The following ANKRD13C variants were observed in gnomAD, a reference collection of about 807,000 sequenced individuals.
The protein encoded by ANKRD13C is ankyrin repeat domain 13C, also known as ankyrin repeat domain-containing protein 13C.
A neutral mutation model predicts 65.5 loss-of-function variants in ANKRD13C; 16 were observed. The observed-to-expected ratio is 0.24, with a 90% confidence interval of 0.17 to 0.37. ANKRD13C has a LOEUF of 0.37. ANKRD13C is among the 10% of genes least tolerant of loss of function. The pLI, the probability that ANKRD13C is intolerant of heterozygous loss-of-function variation, is 1.00. For missense variants in ANKRD13C, 503 were observed against 655.9 expected (o/e 0.77, Z 2.55); for synonymous variants, 235 against 238.7 (o/e 0.98, Z 0.14).
chr1:70,310,854 G>C (rs1680817940), intron 5 of ANKRD13C, among the ~76,000 whole-genome samples: 1 of 152,120 alleles, frequency 6.6e-6, no homozygotes, highest in Non-Finnish European at 1.5e-5. Flanking sequence ...CAGGTTTTAG[G>C]CCAATCTAAC....
chr1:70,300,738 G>A (rs913463843), intron 7 of ANKRD13C, 26 bp downstream of exon 7: 3 of 1,539,692 alleles, frequency 1.9e-6, no homozygotes, highest in Non-Finnish European at 2.6e-6. Flanking sequence ...TGATTTAAAG[G>A]AATATTGATA....
intron 9 of ANKRD13C, among the ~76,000 whole-genome samples, chr1:70,291,529 T>G (rs903258386): frequency 6.6e-6 from 1 of 152,208 alleles, no homozygotes; most frequent in African/African-American, 2.4e-5. Flanking sequence ...TGTCACACAA[T>G]TCTTTGCATA....
chr1:70,337,590 T>TAAATA lies in ANKRD13C; in HGVS notation c.431-1496_431-1492dup, dbSNP rs1553251645. The stretch of plus-strand genomic sequence containing the variant: ...GAGTGAAACTCTGTCTCAAAATAAA[T>TAAATA]AAATAAAATAAAATAAAATAAAGTC... On this transcript the variant is annotated intron_variant, in intron 1 of 12. Transcript: ENST00000370944. Among the ~76,000 whole-genome samples, 15 of 151,222 alleles carry TAAATA rather than the reference T, an allele frequency of 9.9e-5. No individual in the cohort carries two copies. The South Asian group carries it at 1.9e-3, about 19-fold the overall frequency.
intron 9 of ANKRD13C, among the ~76,000 whole-genome samples, chr1:70,288,710 A>G (rs1282351290): frequency 6.6e-6 from 1 of 152,196 alleles, no homozygotes; most frequent in Non-Finnish European, 1.5e-5. Flanking sequence ...GGAAGAACAG[A>G]TTAGTGATTG....
intron 1 of ANKRD13C, among the ~76,000 whole-genome samples, chr1:70,340,160 A>C (rs1682248072): frequency 6.6e-6 from 1 of 152,014 alleles, no homozygotes. Flanking sequence ...TATTAATTTT[A>C]TTCATCTTTT....
In ANKRD13C at chr1:70,305,021, G is replaced by C. The variant is rs115218756; in HGVS notation, c.776+1203C>G. On this transcript the variant is annotated intron_variant, in intron 6 of 12. Coordinates refer to ENST00000370944, the MANE Select transcript of ANKRD13C (RefSeq NM_030816.5). ...CACTGTAATCCCAGCACTTTGCGAG[G>C]CCAAGGTGGAAGAATCACTTGAGCC... Among the ~76,000 whole-genome samples, 402 of 152,038 alleles carry C rather than the reference G, an allele frequency of 2.6e-3. 2 individuals are homozygous for C. The highest frequency in any genetic ancestry group is 9.4e-3 in the African/African-American group (388 of 41,462).
At chr1:70,280,025 G>GA (rs1679319338) in intron 9 of ANKRD13C, among the ~76,000 whole-genome samples, 1 of 152,102 alleles carries the variant, frequency 6.6e-6, no homozygotes, top group Non-Finnish European at 1.5e-5. Context: ...AAAGAAGCCT[G>GA]AAAAAGCCAT....
chr1:70,333,910 T>C (rs896071430), intron 2 of ANKRD13C, among the ~76,000 whole-genome samples: 8 of 152,192 alleles, frequency 5.3e-5, no homozygotes, highest in African/African-American at 1.9e-4. Context: ...CATGTAGCCT[T>C]TTAATGAATA....
chr1:70,340,921 G>C (rs1369696292), intron 1 of ANKRD13C, among the ~76,000 whole-genome samples: 2 of 152,128 alleles, frequency 1.3e-5, no homozygotes, highest in Non-Finnish European at 2.9e-5. Flanking sequence ...GACCAGCCTA[G>C]CCAATATGGT....
In ANKRD13C at chr1:70,354,390, G is replaced by C; in HGVS notation, c.19C>G (p.Arg7Gly). 1.2e-6 allele frequency: 2 copies of C among 1,612,812 alleles called. No individual in the cohort carries two copies. Among genetic ancestry groups the C allele is most frequent in the Non-Finnish European group, 1.7e-6 (2 of 1,179,100 alleles). The change falls in exon 1 of 13, where the codon CGC becomes GGC. Residue 7 changes from arginine (R) to glycine (G), a missense_variant. Physicochemically the swap from Arg to Gly is moderately radical, Grantham distance 125. This residue lies in a region of ANKRD13C where 203 missense variants were observed against 177.6 expected (regional missense o/e 1.14). Transcript: ENST00000370944. ...GGCTTGTGGTCCCTCCGCAGTGAGCGGATCTTCTCCCCGGTCATCGCCGCC... is the reference window on the plus strand; with the variant it reads ...GGCTTGTGGTCCCTCCGCAGTGAGCCGATCTTCTCCCCGGTCATCGCCGCC... Reference protein sequence around the residue: MTGEKIRSLRRDHKPSK... With the variant: MTGEKIGSLRRDHKPSK...
intron 11 of ANKRD13C, among the ~76,000 whole-genome samples, chr1:70,272,826 A>G (rs981728569): frequency 6.6e-6 from 1 of 151,724 alleles, no homozygotes; most frequent in African/African-American, 2.4e-5. Context: ...CATCTCTACT[A>G]AAAATACAGA....
At chr1:70,327,599 A>G (rs1681595049) in intron 2 of ANKRD13C, among the ~76,000 whole-genome samples, 1 of 152,222 alleles carries the variant, frequency 6.6e-6, no homozygotes, top group Non-Finnish European at 1.5e-5. Context: ...AAATCTCAAT[A>G]TGCATTGGGT....
intron 1 of ANKRD13C, among the ~76,000 whole-genome samples, chr1:70,352,227 C>G (rs1682771130): frequency 6.6e-6 from 1 of 150,734 alleles, no homozygotes; most frequent in African/African-American, 2.4e-5. Flanking sequence ...GTACTACCAG[C>G]TACTCAGGAG....
At chr1:70,304,482 A>T (rs1680507085) in intron 6 of ANKRD13C, among the ~76,000 whole-genome samples, 1 of 151,756 alleles carries the variant, frequency 6.6e-6, no homozygotes, top group Non-Finnish European at 1.5e-5. Context: ...CTGCAGCCTC[A>T]ACTTCCTGGG....
At chr1:70,291,039 T>C (rs1679844205) in intron 9 of ANKRD13C, among the ~76,000 whole-genome samples, 2 of 152,076 alleles carry the variant, frequency 1.3e-5, no homozygotes, top group African/African-American at 2.4e-5. Context: ...CTGGGAAATT[T>C]TTTTTTTTTT....
At chr1:70,318,884 T>C (rs1188511189) in intron 3 of ANKRD13C, among the ~76,000 whole-genome samples, 3 of 152,070 alleles carry the variant, frequency 2.0e-5, no homozygotes, top group Non-Finnish European at 4.4e-5. Context: ...GGTTTCACCA[T>C]GTTGGCCAGG....
At chr1:70,276,879 G>A in intron 9 of ANKRD13C, 35 bp from the exon 10 acceptor site, 2 of 1,490,590 alleles carry the variant, frequency 1.3e-6, no homozygotes, top group Non-Finnish European at 9.1e-7. Context: ...AGTGGGGTGG[G>A]GGAGAAAGAA....
chr1:70,321,247 T>A (rs76589388), intron 3 of ANKRD13C, among the ~76,000 whole-genome samples: 168 of 152,226 alleles, frequency 1.1e-3, no homozygotes, highest in Admixed American at 2.0e-3. Context: ...AGGGAACACA[T>A]ACTGAAAAAT....
intron 1 of ANKRD13C, among the ~76,000 whole-genome samples, chr1:70,347,687 C>T (rs1421680193): frequency 1.3e-5 from 2 of 152,114 alleles, no homozygotes; most frequent in South Asian, 2.1e-4. Flanking sequence ...TCAGGAAACA[C>T]AGCCACTTAA....
Sources: allele counts gnomAD v4.1 joint callset (sites outside exome capture counted in the v4.1 genomes callset), GRCh38; gene constraint gnomAD v4.1.1; regional missense constraint gnomAD v4.1.1; transcripts MANE v1.5; gene names NCBI Gene and HGNC (gene_info 2026-07-23, HGNC 2026-07-21).